MIER1: variants seen among roughly 807,000 people sequenced by gnomAD.
The protein encoded by MIER1 is mesoderm induction early response protein 1.
In MIER1, 40 loss-of-function variants were observed where a neutral mutation model predicts 75.7. That is an observed-to-expected ratio of 0.53 (90% confidence interval 0.41 to 0.69). The LOEUF is 0.69. Ranked by LOEUF, MIER1 falls within the 30% of genes least tolerant of loss-of-function variation. The pLI is 0.00. For synonymous variants in MIER1, 213 were observed against 223.4 expected (o/e 0.95, Z 0.42); for missense variants, 574 against 680.2 (o/e 0.84, Z 1.74).
chr1:66,927,250 TAAG>T (rs1167048282), intron 2 of MIER1, among the ~76,000 whole-genome samples: 2 of 152,120 alleles, frequency 1.3e-5, no homozygotes, highest in Non-Finnish European at 2.9e-5. Flanking sequence ...TGCCTGAAAA[TAAG>T]GAGGCTTTTA....
intron 8 of MIER1, among the ~76,000 whole-genome samples, chr1:66,965,642 ATAT>A (rs1282574635): frequency 6.6e-6 from 1 of 152,198 alleles, no homozygotes; most frequent in Non-Finnish European, 1.5e-5. Context: ...CCTCTCAAGC[ATAT>A]TATCTTTTGT....
At chr1:66,930,632 G>GGGTAGTGCAGCGT (rs1553237822) in intron 2 of MIER1, among the ~76,000 whole-genome samples, 1 of 151,948 alleles carries the variant, frequency 6.6e-6, no homozygotes, top group Non-Finnish European at 1.5e-5. Context: ...GCAGTTTGAA[G>GGGTAGTGCAGCGT]GGTAGTGCAG....
At chr1:66,978,376 G>T (rs2102006345) in intron 12 of MIER1, among the ~76,000 whole-genome samples, 1 of 152,244 alleles carries the variant, frequency 6.6e-6, no homozygotes, top group East Asian at 1.9e-4. Flanking sequence ...AAATGGGTAT[G>T]ATTCACCCTT....
At chr1:66,971,298 C>A (rs1003383211) in intron 9 of MIER1, among the ~76,000 whole-genome samples, 1 of 151,956 alleles carries the variant, frequency 6.6e-6, no homozygotes, top group African/African-American at 2.4e-5. Flanking sequence ...CTACCATGAA[C>A]CTATCTTTTT....
intron 4 of MIER1, chr1:66,947,277 C>T (rs1243426941): frequency 1.3e-5 from 2 of 152,284 alleles, no homozygotes; most frequent in African/African-American, 2.4e-5. Context: ...TAGCATTAAC[C>T]TATTTCCTGT....
chr1:66,925,426 G>T lies in MIER1; in HGVS notation c.67+331G>T, dbSNP rs1402433792. Reference sequence around the variant, plus strand: ...TTCGCTTCGGTCCCTGATCCCAGTCGGGGTGGGGCTAAGCTGACCACCCTG... The same window carrying T: ...TTCGCTTCGGTCCCTGATCCCAGTCTGGGTGGGGCTAAGCTGACCACCCTG... On this transcript the variant is annotated intron_variant, in intron 1 of 13. Transcript: ENST00000401041. 3 of 985,266 alleles carry T rather than the reference G, an allele frequency of 3.0e-6. No individual in the cohort carries two copies. The African/African-American group carries it at 5.2e-5, about 17-fold the overall frequency. 61.0% of individuals were successfully genotyped at this position (985,266 alleles called of 1,614,324 possible). A position where few individuals can be genotyped will look rare whatever the true frequency, so the allele number is the denominator to read the frequency against.
Position 66,984,706 on chromosome 1 carries a change from G to A in MIER1, c.1504G>A (p.Asp502Asn). 2 of 1,613,924 alleles carry A rather than the reference G, an allele frequency of 1.2e-6. No homozygotes were observed. Among genetic ancestry groups the A allele is most frequent in the African/African-American group, 1.3e-5 (1 of 75,036 alleles). ...TATGGATACTAATGGTTATGAAACA[G>A]ATAACCTTACCACTGACCCAAAACT... is the stretch of plus-strand genomic sequence containing the variant. ...ADMDTNGYET[D>N]NLTTDPKLAH... Residue 502 changes from aspartate (D) to asparagine (N), a missense_variant, in exon 14 of 14, where the codon GAT becomes AAT. Transcript: ENST00000401041.
At chr1:66,951,169 A>G (rs1373382464) in intron 4 of MIER1, among the ~76,000 whole-genome samples, 2 of 152,196 alleles carry the variant, frequency 1.3e-5, no homozygotes, top group Non-Finnish European at 2.9e-5. Flanking sequence ...AACTTGAGAT[A>G]TAGTATATAG....
intron 2 of MIER1, among the ~76,000 whole-genome samples, chr1:66,929,731 C>T (rs971512662): frequency 2.6e-5 from 4 of 152,146 alleles, no homozygotes; most frequent in Non-Finnish European, 4.4e-5. Flanking sequence ...CCTATCATAA[C>T]CCCTTCCATT....
intron 4 of MIER1, chr1:66,947,954 TAGC>T (rs1210319117): frequency 1.0e-6 from 1 of 985,358 alleles, no homozygotes; most frequent in Non-Finnish European, 1.2e-6. Flanking sequence ...CTCCTCAGAA[TAGC>T]AGCCTTTCCT....
chr1:66,933,508 A>G (rs1245927607), intron 2 of MIER1, among the ~76,000 whole-genome samples: 1 of 152,056 alleles, frequency 6.6e-6, no homozygotes, highest in Non-Finnish European at 1.5e-5. Context: ...ACACCTATCC[A>G]TTTCTCTTTA....
chr1:66,926,831 C>G (rs549530087), intron 2 of MIER1, among the ~76,000 whole-genome samples: 2 of 152,168 alleles, frequency 1.3e-5, no homozygotes, highest in East Asian at 3.9e-4. Flanking sequence ...AGTCAGCTAA[C>G]CCCAGAGTCT....
At chr1:66,930,416 C>T (rs1480086382) in intron 2 of MIER1, 1 of 1,605,778 alleles carries the variant, frequency 6.2e-7, no homozygotes, top group Non-Finnish European at 8.5e-7. Flanking sequence ...GGAGCGAGCT[C>T]CCCCTCCCTG....
Position 66,981,906 on chromosome 1 carries a change from G to A in MIER1, c.1357G>A (p.Ala453Thr). The change falls in exon 13 of 14, where the codon GCT (alanine) becomes ACT (threonine). Residue 453 changes from alanine (A) to threonine (T), a missense_variant. Coordinates refer to ENST00000401041, the MANE Select transcript of MIER1 (RefSeq NM_001077700.3). ...SEKEDGTVSTANQNGVSSNGP... is the reference protein window; with the variant it reads ...SEKEDGTVSTTNQNGVSSNGP... ...GAAAGAAGATGGCACTGTAAGCACT[G>A]CTAATCAAAATGGTAAGCAACCAGA... is the stretch of plus-strand genomic sequence containing the variant. The A allele has an allele frequency of 1.2e-6, 2 of 1,613,724 alleles. No individual in the cohort carries two copies. Among genetic ancestry groups the A allele is most frequent in the South Asian group, 2.2e-5 (2 of 90,978 alleles).
chr1:66,978,356 G>A (rs1308731903), intron 12 of MIER1, among the ~76,000 whole-genome samples: 3 of 152,130 alleles, frequency 2.0e-5, no homozygotes, highest in Non-Finnish European at 4.4e-5. Flanking sequence ...AAAACAATCT[G>A]AAAGAGAATA....
At chr1:66,943,111 A>G (rs1460578957) in intron 3 of MIER1, among the ~76,000 whole-genome samples, 2 of 152,142 alleles carry the variant, frequency 1.3e-5, no homozygotes, top group Non-Finnish European at 2.9e-5. Context: ...AAAGTATAGC[A>G]TTATTTGTAG....
chr1:66,985,309 A>C lies in MIER1; in HGVS notation c.*409A>C, dbSNP rs185302797. The C allele has an allele frequency of 2.0e-6, 2 of 985,422 alleles. No homozygotes were observed. Among genetic ancestry groups the C allele is most frequent in the African/African-American group, 1.7e-5 (1 of 57,228 alleles). 61.0% of individuals were successfully genotyped at this position (985,422 alleles called of 1,614,324 possible). On this transcript the variant is annotated 3_prime_UTR_variant, in exon 14 of 14. Coordinates refer to ENST00000401041, the MANE Select transcript of MIER1 (RefSeq NM_001077700.3). ...TGGATGAATGGGAAACTCAAGTCCA[A>C]ATTTCTGCTTAATACCAATTTCTCT...
chr1:66,958,136 GGAAGAGGAA>G lies in MIER1; in HGVS notation c.432_440del (p.Glu145_Glu147del), dbSNP rs767441210. ...CTGTTCGACTACCTGAAGAAGATGA[GGAAGAGGAA>G]GAAGAGGAAGAAGAAGGTGAAGATG... is the stretch of plus-strand genomic sequence containing the variant. On this transcript the variant is annotated inframe_deletion, in exon 5 of 14. Transcript: ENST00000401041. 8.6e-5 allele frequency: 138 copies of G among 1,607,508 alleles called. No individual in the cohort carries two copies. Among genetic ancestry groups the G allele is most frequent in the South Asian group, 2.3e-4 (21 of 90,888 alleles).
rs1245385114 is a variant in MIER1 at position 66,981,862 on chromosome 1, G to A, written c.1313G>A (p.Ser438Asn). The change falls in exon 13 of 14, where the codon AGT becomes AAT. Residue 438 changes from serine to asparagine, a missense_variant. Transcript: ENST00000401041. The stretch of plus-strand genomic sequence containing the variant: ...TCCCCTCCCCCAACTGCATCAAACA[G>A]TAGTAACAGCCAGTCTGAGAAAGAA... ...APSPPPTASN[S>N]SNSQSEKEDG... 1.2e-6 allele frequency: 2 copies of A among 1,614,044 alleles called. No individual in the cohort carries two copies. Among genetic ancestry groups the A allele is most frequent in the East Asian group, 2.2e-5 (1 of 44,874 alleles).
Sources: gnomAD v4.1 joint callset for allele counts (sites outside exome capture counted in the v4.1 genomes callset) on GRCh38, gnomAD v4.1.1 for gene constraint, MANE v1.5 for transcripts, NCBI Gene and HGNC (gene_info 2026-07-23, HGNC 2026-07-21) for gene names.